Variants in LPP observed in about 807,000 individuals in gnomAD.
LPP encodes lipoma-preferred partner.
LPP carries 38 observed loss-of-function variants against 60.4 expected under a neutral mutation model. The observed-to-expected ratio is 0.63, with a 90% CI of 0.49 to 0.83. LPP has a LOEUF of 0.83. Ranked by LOEUF, LPP falls within the 40% of genes least tolerant of loss-of-function variation. The probability of loss-of-function intolerance (pLI) is 0.00; values close to 1 mark genes in which losing one functional copy is unlikely to be tolerated. For missense variants in LPP, 902 were observed against 783.6 expected, an observed-to-expected ratio of 1.15 and a Z score of -1.80; for synonymous variants, 328 against 290.8, an observed-to-expected ratio of 1.13 and a Z score of -1.30.
intron 6 of LPP, among the ~76,000 whole-genome samples, chr3:188,550,178 C>G (rs1827719779): frequency 6.6e-6 from 1 of 152,082 alleles, no homozygotes; most frequent in South Asian, 2.1e-4. Context: ...TTTAATGGAA[C>G]AAAACCCCTC....
At chr3:188,463,499 T>C (rs1045110612) in intron 4 of LPP, among the ~76,000 whole-genome samples, 4 of 152,222 alleles carry the variant, frequency 2.6e-5, no homozygotes, top group Non-Finnish European at 4.4e-5. Context: ...TATATCTGCG[T>C]GCACGGTTTC....
chr3:188,781,891 C>CAA (rs1302969471), intron 9 of LPP, among the ~76,000 whole-genome samples: 1 of 79,182 alleles, frequency 1.3e-5, no homozygotes, highest in African/African-American at 4.4e-5. Flanking sequence ...GACTCCGTCT[C>CAA]AAAAAAAAAA....
At chr3:188,596,539 C>G (rs1347837302) in intron 6 of LPP, among the ~76,000 whole-genome samples, 1 of 151,984 alleles carries the variant, frequency 6.6e-6, no homozygotes, top group African/African-American at 2.4e-5. Context: ...CCTATACAAT[C>G]TACAGTGTAA....
intron 9 of LPP, among the ~76,000 whole-genome samples, chr3:188,854,346 A>G (rs1763337045): frequency 6.6e-6 from 1 of 152,176 alleles, no homozygotes; most frequent in Non-Finnish European, 1.5e-5. Flanking sequence ...AGGGAAGCAA[A>G]TTACTTCACC....
rs544433573 is a variant in LPP, at chr3:188,372,584, T to G, written c.-10+30865T>G. On this transcript the variant is annotated intron_variant, in intron 3 of 11. Transcript: ENST00000617246. ...CTCTTGTCAGTTCTCTTCTGATTAG[T>G]GTTCCCCTGGGCTTTTCTTCCCAAA... is the stretch of plus-strand genomic sequence containing the variant. Among the ~76,000 whole-genome samples, 10 of 152,202 alleles carry G rather than the reference T, an allele frequency of 6.6e-5. No individual in the cohort carries two copies. The South Asian group carries it at 2.1e-3, about 32-fold the overall frequency.
chr3:188,284,756 T>C (rs977279925), intron 2 of LPP, among the ~76,000 whole-genome samples: 3 of 152,170 alleles, frequency 2.0e-5, no homozygotes, highest in Admixed American at 1.3e-4. Flanking sequence ...TAGTAATGAC[T>C]GCGAGAGACA....
intron 8 of LPP, among the ~76,000 whole-genome samples, chr3:188,757,450 G>T (rs1730644303): frequency 6.6e-6 from 1 of 152,166 alleles, no homozygotes; most frequent in Admixed American, 6.5e-5. Flanking sequence ...GTAGGCTCAG[G>T]TTCTTGGATT....
intron 4 of LPP, among the ~76,000 whole-genome samples, chr3:188,407,559 C>T (rs965006426): frequency 6.6e-5 from 10 of 152,086 alleles, no homozygotes; most frequent in Middle Eastern, 3.2e-3. Context: ...TAAACGAAGC[C>T]TTTGGTGCTG....
chr3:188,484,817 T>G, intron 5 of LPP, 113 bp downstream of exon 5: 4 of 793,616 alleles, frequency 5.0e-6, no homozygotes, highest in Non-Finnish European at 8.5e-6. Context: ...GGATAAACAT[T>G]TATCCAGAGC....
chr3:188,430,162 G>A (rs1790530543), intron 4 of LPP, among the ~76,000 whole-genome samples: 1 of 151,852 alleles, frequency 6.6e-6, no homozygotes. Flanking sequence ...GACTTACTAG[G>A]CCTAAAGGAG....
chr3:188,753,485 T>C (rs2150350288), intron 8 of LPP, among the ~76,000 whole-genome samples: 1 of 152,042 alleles, frequency 6.6e-6, no homozygotes, highest in East Asian at 1.9e-4. Context: ...TCACTCAGCC[T>C]TCACTTCATC....
chr3:188,759,917 T>C (rs977801342), intron 8 of LPP, among the ~76,000 whole-genome samples, 196 bp from the exon 9 acceptor site: 1 of 152,130 alleles, frequency 6.6e-6, no homozygotes. Flanking sequence ...ATCCCCTCCA[T>C]GCCAATCTTG....
intron 8 of LPP, among the ~76,000 whole-genome samples, chr3:188,725,840 C>A (rs753809012): frequency 6.6e-6 from 1 of 152,054 alleles, no homozygotes; most frequent in Non-Finnish European, 1.5e-5. Context: ...GATTTTCTGA[C>A]ATAGATCATG....
intron 2 of LPP, among the ~76,000 whole-genome samples, chr3:188,307,146 T>C (rs1192433004): frequency 6.6e-6 from 1 of 152,230 alleles, no homozygotes; most frequent in African/African-American, 2.4e-5. Flanking sequence ...GAGGTGTCTA[T>C]TACTATTATT....
chr3:188,504,280 CT>C (rs201860495), intron 5 of LPP, among the ~76,000 whole-genome samples: 16 of 151,922 alleles, frequency 1.1e-4, no homozygotes, highest in East Asian at 3.9e-4. Context: ...TCCACAATTG[CT>C]TTTTTTTCTT....
At chr3:188,452,324 C>G (rs1796776628) in intron 4 of LPP, among the ~76,000 whole-genome samples, 1 of 152,086 alleles carries the variant, frequency 6.6e-6, no homozygotes, top group Admixed American at 6.5e-5. Flanking sequence ...GCTTTAAAAA[C>G]TGATAGCGTG....
intron 8 of LPP, among the ~76,000 whole-genome samples, chr3:188,749,232 G>A (rs560936837): frequency 2.1e-4 from 32 of 152,210 alleles, no homozygotes; most frequent in Non-Finnish European, 2.1e-4. Context: ...ACTGATACTT[G>A]AGGTAGGGCA....
At chr3:188,672,909 T>C (rs924569352) in intron 7 of LPP, among the ~76,000 whole-genome samples, 1 of 152,104 alleles carries the variant, frequency 6.6e-6, no homozygotes, top group African/African-American at 2.4e-5. Context: ...TTACTATCTA[T>C]AATTTAGTTT....
chr3:188,406,266 T>C lies in LPP; in HGVS notation c.146T>C (p.Val49Ala). ...QQPPKKFAPV[V>A]APKPKYNPYK... is the part of the protein sequence containing the mutation. ...CCACCCAAAAAGTTTGCCCCGGTAG[T>C]TGCTCCAAAACCTAAGTACAACCCA... The change falls in exon 4 of 12, where the codon GTT becomes GCT. Residue 49 changes from valine (V) to alanine (A), a missense_variant. Physicochemically the swap from Val to Ala is moderately conservative, Grantham distance 64. Transcript: ENST00000617246. 6.2e-7 allele frequency: 1 copy of C among 1,614,132 alleles called. No individual in the cohort carries two copies. The highest frequency in any genetic ancestry group is 8.5e-7 in the Non-Finnish European group (1 of 1,179,996).
Sources: allele counts gnomAD v4.1 joint callset (sites outside exome capture counted in the v4.1 genomes callset), GRCh38; gene constraint gnomAD v4.1.1; transcripts MANE v1.5; gene names NCBI Gene and HGNC (gene_info 2026-07-23, HGNC 2026-07-21).